Variants in ESRRG observed in about 807,000 individuals in gnomAD.
ESRRG encodes estrogen-related receptor gamma.
In ESRRG, 13 loss-of-function variants were observed where a neutral mutation model predicts 44.0. That is an observed-to-expected ratio of 0.30 (90% CI 0.19 to 0.47). ESRRG has a LOEUF of 0.47. ESRRG is among the 20% of genes least tolerant of loss of function. ESRRG has a pLI of 1.00. For missense variants in ESRRG, 395 were observed against 580.6 expected (o/e 0.68, Z 3.29); for synonymous variants, 215 against 214.6 (o/e 1.00, Z -0.02).
At chr1:216,793,959 ATTT>A (rs34752392) in intron 2 of ESRRG, among the ~76,000 whole-genome samples, 3,671 of 143,916 alleles carry the variant, frequency 0.026, 128 homozygotes, top group African/African-American at 0.083. Flanking sequence ...TTAACTAAGG[ATTT>A]TTTTTTTTTT....
chr1:216,751,837 T>TA (rs397810242), intron 2 of ESRRG, among the ~76,000 whole-genome samples: 24 of 148,580 alleles, frequency 1.6e-4, no homozygotes, highest in South Asian at 4.3e-4. Context: ...GATATATATA[T>TA]TTTTTTCTTT....
chr1:216,653,685 G>A (rs1362765854), intron 2 of ESRRG, among the ~76,000 whole-genome samples: 3 of 151,998 alleles, frequency 2.0e-5, no homozygotes, highest in Non-Finnish European at 2.9e-5. Context: ...AGCAGAAAAC[G>A]ATTTCTTGGT....
intron 1 of ESRRG, among the ~76,000 whole-genome samples, chr1:217,043,437 G>A (rs184928497): frequency 6.6e-6 from 1 of 152,196 alleles, no homozygotes; most frequent in East Asian, 1.9e-4. Flanking sequence ...AATGAATAGT[G>A]CACAACTTAT....
At chr1:216,627,558 A>G (rs920690389) in intron 3 of ESRRG, among the ~76,000 whole-genome samples, 4 of 152,210 alleles carry the variant, frequency 2.6e-5, no homozygotes, top group African/African-American at 9.7e-5. Context: ...AACAAAACCA[A>G]ACTTTAACCT....
In ESRRG at chr1:217,060,788, C is replaced by CTAGATAGATAGA. The variant is rs61465430; in HGVS notation, c.-106+28707_-106+28718dup. On this transcript the variant is annotated intron_variant, in intron 1 of 7. Transcript: ENST00000359162. ...AATAAAATCAAAATGATATTGAACACTAGATAGATAGATAGATAGATAGAT... is the reference window on the plus strand; with the variant it reads ...AATAAAATCAAAATGATATTGAACACTAGATAGATAGATAGATAGATAGATAGATAGATAGAT... 5.9e-3 allele frequency among the ~76,000 whole-genome samples: 384 copies of CTAGATAGATAGA among 65,586 alleles called. 1 individual carries two copies. Among genetic ancestry groups the CTAGATAGATAGA allele is most frequent in the African/African-American group, 9.0e-3 (215 of 23,784 alleles). The allele number at this position is 65,586 out of a possible 152,430, so 43.0% of individuals were successfully genotyped here.
chr1:217,063,260 G>A (rs1258509397), intron 1 of ESRRG, among the ~76,000 whole-genome samples: 3 of 152,150 alleles, frequency 2.0e-5, no homozygotes, highest in African/African-American at 7.2e-5. Context: ...TTAGGAAGTT[G>A]GCAACCGAAC....
intron 2 of ESRRG, among the ~76,000 whole-genome samples, chr1:216,800,764 T>A (rs1193573559): frequency 6.6e-6 from 1 of 152,072 alleles, no homozygotes; most frequent in Non-Finnish European, 1.5e-5. Context: ...GTCAAACTCA[T>A]CCCTACATGA....
chr1:216,657,356 A>G (rs889349324), intron 2 of ESRRG, among the ~76,000 whole-genome samples: 2 of 152,188 alleles, frequency 1.3e-5, no homozygotes, highest in African/African-American at 4.8e-5. Flanking sequence ...GGAACACTAC[A>G]TCTGTTCTCA....
intron 1 of ESRRG, among the ~76,000 whole-genome samples, chr1:217,134,243 T>C (rs1260548995): frequency 6.6e-6 from 1 of 152,000 alleles, no homozygotes; most frequent in African/African-American, 2.4e-5. Flanking sequence ...GTAGGTCTCC[T>C]CCAAATGGCA....
chr1:216,515,239 A>G (rs2043878361), intron 6 of ESRRG, among the ~76,000 whole-genome samples: 2 of 152,010 alleles, frequency 1.3e-5, no homozygotes, highest in Non-Finnish European at 2.9e-5. Context: ...AATATAATAT[A>G]TATATGCATG....
At chr1:216,744,702 G>C (rs2091187177) in intron 2 of ESRRG, among the ~76,000 whole-genome samples, 1 of 152,154 alleles carries the variant, frequency 6.6e-6, no homozygotes, top group Non-Finnish European at 1.5e-5. Flanking sequence ...TGTTACCTAT[G>C]AGTAGTCTCT....
intron 2 of ESRRG, among the ~76,000 whole-genome samples, chr1:216,653,107 A>G (rs2069430701): frequency 6.6e-6 from 1 of 152,208 alleles, no homozygotes; most frequent in Admixed American, 6.5e-5. Flanking sequence ...CCCAGTGCTA[A>G]AAACTTCTAC....
At chr1:216,982,544 G>A (rs1196570422) in intron 1 of ESRRG, among the ~76,000 whole-genome samples, 1 of 152,094 alleles carries the variant, frequency 6.6e-6, no homozygotes. Context: ...GGTGACAAGG[G>A]CAATTTCTGC....
In ESRRG at chr1:216,804,018, A is replaced by G. The variant is rs2094706666; in HGVS notation, c.-13-126527T>C. ...TCTGCCCTCCCTTTCCAAATCCACA[A>G]TTTTAAGGCAGAATAAAAAAAAAAT... On this transcript the variant is annotated intron_variant, in intron 2 of 7. Transcript: ENST00000359162. Among the ~76,000 whole-genome samples the G allele has an allele frequency of 1.4e-4, 12 of 84,042 alleles. No individual in the cohort carries two copies. The Admixed American group carries it at 1.7e-3, about 12-fold the overall frequency. 55.1% of individuals were successfully genotyped at this position (84,042 alleles called of 152,430 possible). A position where few individuals can be genotyped will look rare whatever the true frequency, so the allele number is the denominator to read the frequency against.
At chr1:216,510,361 A>AAT (rs2042341004) in intron 6 of ESRRG, among the ~76,000 whole-genome samples, 1 of 152,228 alleles carries the variant, frequency 6.6e-6, no homozygotes, top group Admixed American at 6.5e-5. Flanking sequence ...CCCACATATT[A>AAT]AGTCTAACAC....
intron 1 of ESRRG, chr1:217,078,076 G>C (rs1300560339): frequency 6.6e-6 from 1 of 152,186 alleles, no homozygotes; most frequent in Non-Finnish European, 1.5e-5. Context: ...ATCGGATATT[G>C]TATAATGGTT....
At chr1:216,658,489 G>T (rs1167890782) in intron 2 of ESRRG, among the ~76,000 whole-genome samples, 1 of 151,904 alleles carries the variant, frequency 6.6e-6, no homozygotes, top group Non-Finnish European at 1.5e-5. Flanking sequence ...ATACAGTTGA[G>T]AAAAATGTCT....
chr1:216,560,109 ATGT>A (rs1459101552), intron 5 of ESRRG, among the ~76,000 whole-genome samples: 1 of 152,164 alleles, frequency 6.6e-6, no homozygotes, highest in Non-Finnish European at 1.5e-5. Flanking sequence ...TCTGTTTCTT[ATGT>A]GAATACATAT....
intron 1 of ESRRG, among the ~76,000 whole-genome samples, chr1:217,088,803 T>C (rs1449911815): frequency 6.6e-6 from 1 of 152,046 alleles, no homozygotes; most frequent in African/African-American, 2.4e-5. Context: ...TGTCTTTCTG[T>C]CTCTGAGACT....
Sources: allele counts gnomAD v4.1 joint callset (sites outside exome capture counted in the v4.1 genomes callset), GRCh38; gene constraint gnomAD v4.1.1; transcripts MANE v1.5; gene names NCBI Gene and HGNC (gene_info 2026-07-23, HGNC 2026-07-21).